Variants in MTSS2 observed in about 807,000 individuals in gnomAD.
MTSS2 encodes the protein protein MTSS 2.
Under a neutral mutation model 67.1 loss-of-function variants are expected in MTSS2, and 27 were observed. The observed-to-expected ratio is 0.40, with a 90% CI of 0.30 to 0.55. The LOEUF (loss-of-function observed/expected upper bound fraction) is 0.55. MTSS2 is among the 20% of genes least tolerant of loss of function. The pLI is 0.43. For synonymous variants in MTSS2, 624 were observed against 468.6 expected, an observed-to-expected ratio of 1.33 and a Z score of -4.28; for missense variants, 1,171 against 1,067.8, an observed-to-expected ratio of 1.10 and a Z score of -1.35.
intron 7 of MTSS2, 69 bp from the exon 8 acceptor site, chr16:70,678,478 C>A (rs145496459): frequency 1.1e-5 from 17 of 1,539,528 alleles, no homozygotes; most frequent in Non-Finnish European, 1.5e-5. Flanking sequence ...CAAATGGGCT[C>A]AGACCCTGGT....
chr16:70,665,143 CT>C (rs775577057), intron 12 of MTSS2, 47 bp from the exon 13 acceptor site: 1 of 1,546,672 alleles, frequency 6.5e-7, no homozygotes, highest in South Asian at 1.2e-5. Flanking sequence ...GCCCTACCAC[CT>C]ATGGCCCGGG....
In MTSS2 at chr16:70,662,211, C is replaced by T. The variant is rs973103116; in HGVS notation, c.*1466G>A. 16 of 151,730 alleles carry T rather than the reference C, an allele frequency of 1.1e-4. No homozygotes were observed. The highest frequency in any genetic ancestry group is 3.9e-4 in the African/African-American group (16 of 41,250). The allele number at this position is 151,730 out of a possible 1,614,324, so 9.4% of individuals were successfully genotyped here. ...TTCTATCAATCAATCAATCAATCAT[C>T]AAGACCAAGGTGCTCCTGACCCCCA... On this transcript the variant is annotated 3_prime_UTR_variant, in exon 15 of 15. Coordinates refer to ENST00000338779, the MANE Select transcript of MTSS2 (RefSeq NM_138383.3).
intron 1 of MTSS2, among the ~76,000 whole-genome samples, chr16:70,684,605 G>T (rs1056260890): frequency 6.6e-6 from 1 of 152,176 alleles, no homozygotes; most frequent in Non-Finnish European, 1.5e-5. Flanking sequence ...ATTCTGTGTT[G>T]TGCACTTGGA....
In MTSS2 at chr16:70,677,884, T is replaced by C. The variant is rs2053171759; in HGVS notation, c.640A>G (p.Met214Val). 1 of 1,609,280 alleles carries C rather than the reference T, an allele frequency of 6.2e-7. No individual in the cohort carries two copies. Among genetic ancestry groups the C allele is most frequent in the Middle Eastern group, 1.7e-4 (1 of 6,050 alleles). The change falls in exon 9 of 15, where the codon ATG (methionine) becomes GTG (valine). Residue 214 changes from methionine to valine, a missense_variant. Coordinates refer to ENST00000338779, the MANE Select transcript of MTSS2 (RefSeq NM_138383.3). ...TGCAGGTGGGTGATCTCTCCCAGCATGGTCAGCTCTCCATTCTGAGGAAGC... is the reference window on the plus strand; with the variant it reads ...TGCAGGTGGGTGATCTCTCCCAGCACGGTCAGCTCTCCATTCTGAGGAAGC... Reference protein sequence around the residue: ...LQPVVNGELTMLGEITHLQGI... With the variant: ...LQPVVNGELTVLGEITHLQGI...
chr16:70,681,525 G>A lies in MTSS2; in HGVS notation c.70-500C>T, dbSNP rs140312237. Among the ~76,000 whole-genome samples the A allele has an allele frequency of 5.3e-3, 807 of 152,368 alleles. 7 individuals carry two copies. The highest frequency in any genetic ancestry group is 0.018 in the African/African-American group (767 of 41,594). ...ACACCAGGTGTAGACTGGGGCCTCC[G>A]GGGCCCCTGCCCTGTGTCCTGGAAG... On this transcript the variant is annotated intron_variant, in intron 1 of 14. Coordinates refer to ENST00000338779, the MANE Select transcript of MTSS2 (RefSeq NM_138383.3).
At chr16:70,668,714 T>C (rs1292395454) in intron 11 of MTSS2, among the ~76,000 whole-genome samples, 1 of 152,176 alleles carries the variant, frequency 6.6e-6, no homozygotes, top group Non-Finnish European at 1.5e-5. Context: ...AGGGATCTTA[T>C]AAAAAGAGGT....
intron 4 of MTSS2, 21 bp from the exon 5 acceptor site, chr16:70,679,898 C>A (rs1597824887): frequency 1.3e-6 from 2 of 1,580,244 alleles, no homozygotes; most frequent in Non-Finnish European, 1.7e-6. Flanking sequence ...CGGGCGGGAG[C>A]GCAGGTCAGG....
chr16:70,671,552 T>A (rs1321103554), intron 11 of MTSS2, among the ~76,000 whole-genome samples: 1 of 152,106 alleles, frequency 6.6e-6, no homozygotes, highest in African/African-American at 2.4e-5. Context: ...TATGGTAGAA[T>A]CTCAATTAAT....
Position 70,663,420 on chromosome 16 carries a change from A to C in MTSS2, c.*257T>G. 6 of 538,026 alleles carry C rather than the reference A, an allele frequency of 1.1e-5. No homozygotes were observed. Among genetic ancestry groups the C allele is most frequent in the East Asian group, 3.5e-5 (1 of 28,200 alleles). 33.3% of individuals were successfully genotyped at this position (538,026 alleles called of 1,614,324 possible). On this transcript the variant is annotated 3_prime_UTR_variant, in exon 15 of 15. Transcript: ENST00000338779. Reference sequence around the variant, plus strand: ...GAAGAGGCAGGGCCCCAGAGGAGGAAGAGGAGGGACCGAAGAGCATAAAAC... The same window carrying C: ...GAAGAGGCAGGGCCCCAGAGGAGGACGAGGAGGGACCGAAGAGCATAAAAC...
chr16:70,682,603 C>T (rs2053335628), intron 1 of MTSS2, among the ~76,000 whole-genome samples: 1 of 152,022 alleles, frequency 6.6e-6, no homozygotes, highest in African/African-American at 2.4e-5. Context: ...GCCATTTCCC[C>T]TCAGCAGATG....
chr16:70,665,546 A>G lies in MTSS2; in HGVS notation c.1054-6T>C, dbSNP rs2052682059. The G allele has an allele frequency of 1.3e-6, 2 of 1,546,832 alleles. No individual in the cohort carries two copies. The highest frequency in any genetic ancestry group is 1.4e-5 in the African/African-American group (1 of 73,150). On this transcript the variant is annotated splice_region_variant and splice_polypyrimidine_tract_variant and intron_variant, in intron 11 of 14. Coordinates refer to ENST00000338779, the MANE Select transcript of MTSS2 (RefSeq NM_138383.3). ...GATGCAGAGCTGGAGGACTTCTGCCATGCAGAGGCCAGCAGGCGGTTGCAG... is the reference window on the plus strand; with the variant it reads ...GATGCAGAGCTGGAGGACTTCTGCCGTGCAGAGGCCAGCAGGCGGTTGCAG...
chr16:70,668,115 A>AT (rs1230338545), intron 11 of MTSS2, among the ~76,000 whole-genome samples: 1 of 151,976 alleles, frequency 6.6e-6, no homozygotes, highest in Non-Finnish European at 1.5e-5. Flanking sequence ...AGATATCAAG[A>AT]TTTTCTATAA....
intron 7 of MTSS2, among the ~76,000 whole-genome samples, chr16:70,678,951 A>C (rs891062440): frequency 1.3e-5 from 2 of 152,202 alleles, no homozygotes; most frequent in East Asian, 3.9e-4. Context: ...AAGAAGCAGC[A>C]AGAAAGAGAG....
At chr16:70,665,442 TG>T in intron 12 of MTSS2, 23 bp downstream of exon 12, 1 of 1,546,542 alleles carries the variant, frequency 6.5e-7, no homozygotes, top group Non-Finnish European at 8.7e-7. Context: ...GTGACTGTCC[TG>T]GGGCCGGGCT....
intron 11 of MTSS2, chr16:70,665,764 A>T: frequency 2.1e-6 from 1 of 470,210 alleles, no homozygotes; most frequent in Non-Finnish European, 3.8e-6. Flanking sequence ...CCCACCTGAC[A>T]GCCCAGCCCT....
chr16:70,668,855 A>G (rs12597717), intron 11 of MTSS2, among the ~76,000 whole-genome samples: 81,915 of 152,014 alleles, frequency 0.54, 22,251 homozygotes, highest in African/African-American at 0.61. Context: ...AGCCTCCAGA[A>G]CTGTGAGCGC....
At chr16:70,674,843 T>C (rs2053063918) in intron 10 of MTSS2, among the ~76,000 whole-genome samples, 1 of 152,296 alleles carries the variant, frequency 6.6e-6, no homozygotes. Context: ...CTGGGCACAG[T>C]GGCTCATGTC....
intron 11 of MTSS2, among the ~76,000 whole-genome samples, chr16:70,666,718 TA>T (rs1398216621): frequency 6.6e-6 from 1 of 152,154 alleles, no homozygotes; most frequent in Non-Finnish European, 1.5e-5. Context: ...ATATGACGGT[TA>T]AAGTAAAAAA....
At position 70,665,043 on chromosome 16, in the gene MTSS2, C is replaced by T. The variant is rs754817326; in HGVS notation, c.1182G>A (p.Arg394=). The T allele has an allele frequency of 1.3e-6, 2 of 1,597,474 alleles. No individual in the cohort carries two copies. Among genetic ancestry groups the T allele is most frequent in the African/African-American group, 2.7e-5 (2 of 74,934 alleles). The change falls in exon 13 of 15, where the codon CGG becomes CGA. Residue 394 remains arginine, a synonymous_variant. Coordinates refer to ENST00000338779, the MANE Select transcript of MTSS2 (RefSeq NM_138383.3). ...HEQPSGATLQ[R]RKDRVELLRD... is the part of the protein sequence containing the mutation. The stretch of plus-strand genomic sequence containing the variant: ...GCAGGAGCTCCACTCGGTCCTTCCT[C>T]CGCTGCAGAGTGGCGCCTGAGGGCT...
Sources: allele counts gnomAD v4.1 joint callset (sites outside exome capture counted in the v4.1 genomes callset), GRCh38; gene constraint gnomAD v4.1.1; transcripts MANE v1.5; gene names NCBI Gene and HGNC (gene_info 2026-07-23, HGNC 2026-07-21).